The following FRAS1 variants were observed in gnomAD, a reference collection of about 807,000 sequenced individuals.
FRAS1 encodes Fraser extracellular matrix complex subunit 1.
FRAS1 carries 290 observed loss-of-function variants against 435.2 expected under a neutral mutation model. That is an observed-to-expected ratio of 0.67 (90% CI 0.61 to 0.73). FRAS1 has a LOEUF of 0.73. Among genes scored for constraint, FRAS1 ranks in the 30% least tolerant of loss-of-function variants. The pLI, the probability that FRAS1 is intolerant of heterozygous loss-of-function variation, is 0.00. For missense variants in FRAS1, 4,860 were observed against 5,001.5 expected (o/e 0.97, Z 0.85); for synonymous variants, 1,800 against 1,851.0 (o/e 0.97, Z 0.71).
At chr4:78,475,910 C>G (rs558125746) in intron 54 of FRAS1, among the ~76,000 whole-genome samples, 1 of 152,178 alleles carries the variant, frequency 6.6e-6, no homozygotes, top group African/African-American at 2.4e-5. Context: ...GTATCCCAAC[C>G]GTTCTTCTCC....
chr4:78,133,959 T>G (rs1719803742), intron 2 of FRAS1, among the ~76,000 whole-genome samples: 1 of 142,224 alleles, frequency 7.0e-6, no homozygotes, highest in Non-Finnish European at 1.5e-5. Flanking sequence ...CTAGGTTTTT[T>G]TTTTTTGTTT....
chr4:78,275,394 G>A (rs9685137), intron 9 of FRAS1, among the ~76,000 whole-genome samples: 143,980 of 152,274 alleles, frequency 0.95, 68,468 homozygotes, highest in Non-Finnish European at 1. Context: ...TAGTTGATGC[G>A]GTTTCTTCCT....
intron 2 of FRAS1, among the ~76,000 whole-genome samples, chr4:78,179,269 T>C (rs1209106948): frequency 1.3e-5 from 2 of 152,194 alleles, no homozygotes; most frequent in Non-Finnish European, 2.9e-5. Flanking sequence ...TGTTGGATCA[T>C]TTACATTTTT....
chr4:78,115,778 C>T (rs1297446225), intron 2 of FRAS1, among the ~76,000 whole-genome samples: 2 of 152,052 alleles, frequency 1.3e-5, no homozygotes, highest in East Asian at 3.9e-4. Context: ...TTCAAAAAAT[C>T]AGCTCCTGGA....
At chr4:78,476,119 A>C (rs1719845677) in intron 54 of FRAS1, among the ~76,000 whole-genome samples, 1 of 152,198 alleles carries the variant, frequency 6.6e-6, no homozygotes, top group Admixed American at 6.5e-5. Context: ...GGGCCATTTG[A>C]AAGATGGATG....
intron 18 of FRAS1, among the ~76,000 whole-genome samples, chr4:78,327,638 A>C (rs73827976): frequency 0.014 from 2,092 of 152,300 alleles, 54 homozygotes; most frequent in African/African-American, 0.047. Context: ...TTAGCCATCA[A>C]CTGGAAAGGC....
At chr4:78,252,609 G>A (rs558834165) in intron 5 of FRAS1, 58 bp downstream of exon 5, 260 of 1,455,590 alleles carry the variant, frequency 1.8e-4, no homozygotes, top group Admixed American at 8.9e-4. Context: ...CATGGCTATC[G>A]GGGGAACCAG....
At chr4:78,285,970 C>T (rs1475681234) in intron 13 of FRAS1, among the ~76,000 whole-genome samples, 1 of 152,070 alleles carries the variant, frequency 6.6e-6, no homozygotes, top group Non-Finnish European at 1.5e-5. Context: ...CTCTTTCATA[C>T]AGTATTGGAA....
intron 2 of FRAS1, among the ~76,000 whole-genome samples, chr4:78,172,246 A>G (rs1353189281): frequency 9.9e-5 from 15 of 152,206 alleles, no homozygotes; most frequent in Admixed American, 9.8e-4. Flanking sequence ...TGCACCAACG[A>G]TAGTGAAAGC....
chr4:78,102,130 T>A (rs1005472203), intron 2 of FRAS1, among the ~76,000 whole-genome samples: 39 of 152,240 alleles, frequency 2.6e-4, no homozygotes, highest in East Asian at 5.8e-4. Flanking sequence ...GATTTTTTTT[T>A]AAAAGGAAAC....
At chr4:78,452,522 C>T (rs972000041) in intron 47 of FRAS1, among the ~76,000 whole-genome samples, 168 bp downstream of exon 47, 1 of 152,210 alleles carries the variant, frequency 6.6e-6, no homozygotes, top group Non-Finnish European at 1.5e-5. Context: ...ACTTAGCACA[C>T]AGCAGGTGCT....
intron 20 of FRAS1, among the ~76,000 whole-genome samples, chr4:78,362,900 T>A (rs1731130620): frequency 6.6e-6 from 1 of 152,122 alleles, no homozygotes; most frequent in African/African-American, 2.4e-5. Context: ...GGGCATACCA[T>A]AGGTAGTTTT....
chr4:78,413,562 G>GA (rs1262748434), intron 32 of FRAS1, among the ~76,000 whole-genome samples: 1 of 152,210 alleles, frequency 6.6e-6, no homozygotes, highest in East Asian at 1.9e-4. Context: ...TTATCCAAGT[G>GA]AAAATCTGGG....
In FRAS1 at chr4:78,374,148, T is replaced by C. The variant is rs886059631; in HGVS notation, c.3048T>C (p.His1016=). ...DSYCLQCQGP[H]ECTRCKGPFL... Reference sequence around the variant, plus strand: ...ACTGTCTCCAGTGCCAAGGTCCCCATGAGTGTACCCGCTGCAAAGGGCCAT... The same window carrying C: ...ACTGTCTCCAGTGCCAAGGTCCCCACGAGTGTACCCGCTGCAAAGGGCCAT... Residue 1016 remains histidine (H), a synonymous_variant, in exon 25 of 74, where the codon CAT becomes CAC. Coordinates refer to ENST00000512123, the MANE Select transcript of FRAS1 (RefSeq NM_025074.7). 2.5e-6 allele frequency: 4 copies of C among 1,605,146 alleles called. No homozygotes were observed. Among genetic ancestry groups the C allele is most frequent in the Non-Finnish European group, 3.4e-6 (4 of 1,173,506 alleles).
At chr4:78,164,147 G>T (rs114919748) in intron 2 of FRAS1, among the ~76,000 whole-genome samples, 203 of 152,302 alleles carry the variant, frequency 1.3e-3, no homozygotes, top group African/African-American at 4.7e-3. Flanking sequence ...TGTGATAGAT[G>T]TTGCAGAGCA....
At chr4:78,118,851 A>G (rs1428163018) in intron 2 of FRAS1, among the ~76,000 whole-genome samples, 2 of 152,108 alleles carry the variant, frequency 1.3e-5, no homozygotes, top group Non-Finnish European at 2.9e-5. Flanking sequence ...GACACTCCCC[A>G]GTGAGATGCA....
At chr4:78,430,816 T>C (rs1047696951) in intron 37 of FRAS1, among the ~76,000 whole-genome samples, 11 of 152,160 alleles carry the variant, frequency 7.2e-5, no homozygotes, top group African/African-American at 2.7e-4. Context: ...GTGACTCTGA[T>C]AGTGTTAACT....
rs1288572900 is a variant in FRAS1 at position 78,438,903 on chromosome 4, T to C, written c.5368T>C (p.Tyr1790His). ...MEDINNKKIR[Y>H]SAVFETDGHL... ...TTGATTCTTTTTGTTTTTTTATAGA[T>C]ACTCAGCTGTGTTTGAAACTGATGG... The change falls in exon 40 of 74, where the codon TAC becomes CAC. Residue 1790 changes from tyrosine to histidine, a missense_variant and splice_region_variant. Transcript: ENST00000512123. 1 of 1,600,100 alleles carries C rather than the reference T, an allele frequency of 6.2e-7. No homozygotes were observed.
intron 66 of FRAS1, among the ~76,000 whole-genome samples, chr4:78,517,242 A>G (rs971759625): frequency 6.6e-6 from 1 of 152,276 alleles, no homozygotes; most frequent in Middle Eastern, 3.4e-3. Context: ...TTTTGTACAC[A>G]CTACTGCCAT....
Sources: gnomAD v4.1 joint callset for allele counts (sites outside exome capture counted in the v4.1 genomes callset) on GRCh38, gnomAD v4.1.1 for gene constraint, MANE v1.5 for transcripts, NCBI Gene and HGNC (gene_info 2026-07-23, HGNC 2026-07-21) for gene names.